Variants in USP32 observed in about 807,000 individuals in gnomAD.
USP32 encodes ubiquitin specific peptidase 32.
USP32 carries 59 observed loss-of-function variants against 204.8 expected under a neutral mutation model. The observed-to-expected ratio is 0.29, with a 90% CI of 0.23 to 0.36. The LOEUF (loss-of-function observed/expected upper bound fraction) is 0.36, where lower values mean the gene tolerates loss of function less well. Among genes scored for constraint, USP32 ranks in the 10% least tolerant of loss-of-function variants. The probability of loss-of-function intolerance (pLI) is 1.00; values close to 1 mark genes in which losing one functional copy is unlikely to be tolerated. For synonymous variants in USP32, 517 were observed against 678.4 expected, an observed-to-expected ratio of 0.76 and a Z score of 3.70; for missense variants, 1,160 against 1,946.4, an observed-to-expected ratio of 0.60 and a Z score of 7.60.
chr17:60,239,848 C>T (rs982099919), intron 11 of USP32, among the ~76,000 whole-genome samples: 2 of 152,214 alleles, frequency 1.3e-5, no homozygotes, highest in African/African-American at 4.8e-5. Context: ...ATTCTCCTGC[C>T]TCAACCTTCC....
intron 2 of USP32, among the ~76,000 whole-genome samples, chr17:60,323,655 C>A (rs557734837): frequency 4.5e-4 from 68 of 152,134 alleles, no homozygotes; most frequent in Non-Finnish European, 8.7e-4. Flanking sequence ...AACACTATTT[C>A]TTTTAAAGCA....
Position 60,294,670 on chromosome 17 carries a change from T to C in USP32, c.411+13A>G, listed in dbSNP as rs2087380654. The stretch of plus-strand genomic sequence containing the variant: ...TCAATGAAAAGGGATAAAATGTAAA[T>C]CTTTAACTATACCTCTGAGAAACAC... On this transcript the variant is annotated intron_variant, in intron 4 of 33. Coordinates refer to ENST00000300896, the MANE Select transcript of USP32 (RefSeq NM_032582.4). 2 of 1,548,454 alleles carry C rather than the reference T, an allele frequency of 1.3e-6. No individual in the cohort carries two copies. The highest frequency in any genetic ancestry group is 1.8e-5 in the Admixed American group (1 of 56,810).
At chr17:60,406,945 G>A (rs539082584) in intron 1 of USP32, among the ~76,000 whole-genome samples, 2 of 152,156 alleles carry the variant, frequency 1.3e-5, no homozygotes, top group African/African-American at 4.8e-5. Context: ...AGTTAAAAGG[G>A]ACCAGATTAA....
At chr17:60,210,682 C>T (rs1366493457) in intron 21 of USP32, among the ~76,000 whole-genome samples, 2 of 152,226 alleles carry the variant, frequency 1.3e-5, no homozygotes, top group Non-Finnish European at 2.9e-5. Context: ...ATTAATAAGA[C>T]TCTGAGGTCC....
At chr17:60,267,081 G>A (rs1438926710) in intron 7 of USP32, among the ~76,000 whole-genome samples, 1 of 151,936 alleles carries the variant, frequency 6.6e-6, no homozygotes, top group Non-Finnish European at 1.5e-5. Flanking sequence ...GATGCACGGT[G>A]CCAGGCCAGC....
intron 2 of USP32, among the ~76,000 whole-genome samples, chr17:60,308,602 G>T (rs1021983519): frequency 6.6e-6 from 1 of 152,186 alleles, no homozygotes; most frequent in African/African-American, 2.4e-5. Flanking sequence ...TTCAATAAAT[G>T]GTGCTGAGAA....
chr17:60,284,260 C>T (rs577962102), intron 5 of USP32, among the ~76,000 whole-genome samples: 32 of 148,158 alleles, frequency 2.2e-4, no homozygotes, highest in African/African-American at 7.8e-4. Flanking sequence ...GTCGCCCAGG[C>T]TGGAGTGTAG....
intron 7 of USP32, among the ~76,000 whole-genome samples, chr17:60,268,021 G>C (rs2145776636): frequency 6.6e-6 from 1 of 151,988 alleles, no homozygotes; most frequent in South Asian, 2.1e-4. Context: ...ATGTTGGCCA[G>C]GCTGATCTTG....
At chr17:60,218,993 G>A (rs567054084) in intron 16 of USP32, among the ~76,000 whole-genome samples, 48 of 152,300 alleles carry the variant, frequency 3.2e-4, no homozygotes, top group East Asian at 5.8e-4. Context: ...ACAGAGAAAT[G>A]AAAGGGGAAC....
intron 5 of USP32, among the ~76,000 whole-genome samples, chr17:60,281,239 T>A (rs754152851): frequency 1.6e-4 from 25 of 152,060 alleles, no homozygotes; most frequent in Non-Finnish European, 2.9e-4. Context: ...TGCATATTCA[T>A]TATAAAACAC....
At chr17:60,404,039 CAAAAAA>C (rs76866814) in intron 1 of USP32, among the ~76,000 whole-genome samples, 2 of 101,546 alleles carry the variant, frequency 2.0e-5, no homozygotes, top group African/African-American at 6.5e-5. Context: ...GACCCTGCCT[CAAAAAA>C]AAAAAAAAAG....
At chr17:60,198,156 G>A (rs1172907423) in intron 27 of USP32, 104 bp downstream of exon 27, 2 of 1,440,052 alleles carry the variant, frequency 1.4e-6, no homozygotes, top group African/African-American at 2.9e-5. Flanking sequence ...TTCCAAGAGT[G>A]ATTAACTTGA....
intron 31 of USP32, 83 bp downstream of exon 31, chr17:60,183,082 A>C: frequency 4.0e-6 from 6 of 1,492,840 alleles, no homozygotes; most frequent in Non-Finnish European, 5.4e-6. Flanking sequence ...AACCAACCTG[A>C]TGTTCCAGAA....
At chr17:60,349,626 A>ATATATATATAT (rs2088894117) in intron 1 of USP32, among the ~76,000 whole-genome samples, 7 of 76,268 alleles carry the variant, frequency 9.2e-5, no homozygotes, top group Admixed American at 2.7e-4. Flanking sequence ...TATATATATT[A>ATATATATATAT]TATATATATA....
intron 26 of USP32, among the ~76,000 whole-genome samples, chr17:60,201,753 G>A (rs1181097649): frequency 6.6e-6 from 1 of 151,906 alleles, no homozygotes; most frequent in Non-Finnish European, 1.5e-5. Context: ...CTGCCTCTGG[G>A]GTTCAAGTGA....
At chr17:60,316,476 G>A (rs903666781) in intron 2 of USP32, among the ~76,000 whole-genome samples, 3 of 152,134 alleles carry the variant, frequency 2.0e-5, no homozygotes, top group Admixed American at 1.3e-4. Flanking sequence ...CAGTGAGCAC[G>A]TTTCCGCAGT....
At chr17:60,332,079 C>T (rs1384987194) in intron 2 of USP32, among the ~76,000 whole-genome samples, 1 of 151,774 alleles carries the variant, frequency 6.6e-6, no homozygotes, top group Non-Finnish European at 1.5e-5. Context: ...CCCATCTCTA[C>T]AAAACAAAAA....
chr17:60,406,672 C>A (rs1397298442), intron 1 of USP32, among the ~76,000 whole-genome samples: 2 of 151,852 alleles, frequency 1.3e-5, no homozygotes, highest in Admixed American at 6.6e-5. Context: ...CGCGCCACCA[C>A]GCCCAGCTAA....
At chr17:60,421,889 G>C (rs2090121486) in intron 1 of USP32, 1 of 985,334 alleles carries the variant, frequency 1.0e-6, no homozygotes. Context: ...GCGTCTCAGC[G>C]CCTCCTGTGT....
Sources: allele counts gnomAD v4.1 joint callset (sites outside exome capture counted in the v4.1 genomes callset), GRCh38; gene constraint gnomAD v4.1.1; transcripts MANE v1.5; gene names NCBI Gene and HGNC (gene_info 2026-07-23, HGNC 2026-07-21).